ADAMTS12: variants seen among roughly 807,000 people sequenced by gnomAD.
The protein encoded by ADAMTS12 is A disintegrin and metalloproteinase with thrombospondin motifs 12.
In ADAMTS12, 118 loss-of-function variants were observed where a neutral mutation model predicts 167.8. That is an observed-to-expected ratio of 0.70 (90% CI 0.61 to 0.82). ADAMTS12 has a LOEUF of 0.82. ADAMTS12 is among the 40% of genes least tolerant of loss of function. The pLI, the probability that ADAMTS12 is intolerant of heterozygous loss-of-function variation, is 0.00. For missense variants in ADAMTS12, 1,916 were observed against 1,998.8 expected (o/e 0.96, Z 0.79); for synonymous variants, 704 against 716.9 (o/e 0.98, Z 0.29).
At chr5:33,733,769 G>A (rs1437906922) in intron 3 of ADAMTS12, among the ~76,000 whole-genome samples, 1 of 152,134 alleles carries the variant, frequency 6.6e-6, no homozygotes, top group Non-Finnish European at 1.5e-5. Flanking sequence ...TGGCCATGGA[G>A]ACTCATCAGC....
chr5:33,767,209 T>C (rs1745565923), intron 2 of ADAMTS12, among the ~76,000 whole-genome samples: 1 of 152,186 alleles, frequency 6.6e-6, no homozygotes, highest in Non-Finnish European at 1.5e-5. Context: ...TTTGTAGAAA[T>C]ATATAGGAAA....
intron 14 of ADAMTS12, among the ~76,000 whole-genome samples, chr5:33,621,399 C>CAAA (rs202182365): frequency 4.9e-5 from 4 of 82,088 alleles, no homozygotes; most frequent in Admixed American, 1.3e-4. Flanking sequence ...GACTCCATCT[C>CAAA]AAAAAAAAAA....
chr5:33,647,628 G>A (rs1392616338), intron 9 of ADAMTS12, among the ~76,000 whole-genome samples: 1 of 152,186 alleles, frequency 6.6e-6, no homozygotes, highest in African/African-American at 2.4e-5. Context: ...CTACTTGGGA[G>A]GCTGAGGTAC....
chr5:33,788,447 G>C (rs1739462697), intron 2 of ADAMTS12, among the ~76,000 whole-genome samples: 1 of 152,160 alleles, frequency 6.6e-6, no homozygotes, highest in African/African-American at 2.4e-5. Context: ...GATGGGAAGA[G>C]AGAGAAAAGA....
At chr5:33,674,493 G>T (rs1343047561) in intron 5 of ADAMTS12, among the ~76,000 whole-genome samples, 1 of 152,180 alleles carries the variant, frequency 6.6e-6, no homozygotes, top group Non-Finnish European at 1.5e-5. Flanking sequence ...GAAAAGGAAG[G>T]ATTTACTTTA....
At chr5:33,704,991 T>C (rs1475944747) in intron 3 of ADAMTS12, among the ~76,000 whole-genome samples, 2 of 152,114 alleles carry the variant, frequency 1.3e-5, no homozygotes. Context: ...TTTTTGTATA[T>C]AGTGTGAGGT....
chr5:33,538,722 C>T (rs76826758), intron 22 of ADAMTS12, among the ~76,000 whole-genome samples: 2,156 of 152,288 alleles, frequency 0.014, 46 homozygotes, highest in African/African-American at 0.05. Context: ...GCTCCTGACA[C>T]CAAGCGATGG....
chr5:33,886,397 C>T (rs1026967517), intron 1 of ADAMTS12, among the ~76,000 whole-genome samples: 3 of 152,320 alleles, frequency 2.0e-5, no homozygotes, highest in African/African-American at 7.2e-5. Flanking sequence ...GTTGTTATCC[C>T]CATTTCATAG....
At chr5:33,550,623 C>A (rs965565881) in intron 20 of ADAMTS12, among the ~76,000 whole-genome samples, 1 of 152,126 alleles carries the variant, frequency 6.6e-6, no homozygotes. Context: ...TTTTCAATGG[C>A]ACCTCTTCTG....
chr5:33,687,987 C>A (rs111446311), intron 3 of ADAMTS12, among the ~76,000 whole-genome samples: 1 of 152,116 alleles, frequency 6.6e-6, no homozygotes, highest in East Asian at 1.9e-4. Flanking sequence ...CACACCTCAA[C>A]CTGAGTACTT....
intron 5 of ADAMTS12, among the ~76,000 whole-genome samples, chr5:33,680,629 TTCAAAAG>T (rs564683578): frequency 2.6e-4 from 40 of 152,272 alleles, no homozygotes; most frequent in African/African-American, 9.1e-4. Context: ...AAGCATGCTT[TTCAAAAG>T]TCAAAAACAC....
At chr5:33,653,376 G>T (rs569892412) in intron 7 of ADAMTS12, among the ~76,000 whole-genome samples, 1 of 152,170 alleles carries the variant, frequency 6.6e-6, no homozygotes, top group Non-Finnish European at 1.5e-5. Flanking sequence ...CTTGGTCATT[G>T]TGTCTAATTC....
chr5:33,583,237 A>G (rs1747164044), intron 18 of ADAMTS12, among the ~76,000 whole-genome samples: 1 of 152,210 alleles, frequency 6.6e-6, no homozygotes, highest in South Asian at 2.1e-4. Context: ...AAGTTAGAAC[A>G]TGCAATGTTT....
intron 15 of ADAMTS12, 139 bp downstream of exon 15, chr5:33,615,689 A>G: frequency 8.4e-7 from 1 of 1,194,256 alleles, no homozygotes; most frequent in Non-Finnish European, 1.2e-6. Flanking sequence ...ACAAACTAAT[A>G]TCTCATTCCC....
chr5:33,668,871 C>T (rs1741571999), intron 5 of ADAMTS12, among the ~76,000 whole-genome samples: 2 of 152,182 alleles, frequency 1.3e-5, no homozygotes, highest in African/African-American at 4.8e-5. Context: ...TTGTAACTTT[C>T]CCACTGATGA....
chr5:33,593,819 A>C (rs762548762), intron 17 of ADAMTS12, among the ~76,000 whole-genome samples: 2 of 152,212 alleles, frequency 1.3e-5, no homozygotes, highest in African/African-American at 2.4e-5. Flanking sequence ...CACATTCTGC[A>C]CATGTATCCC....
chr5:33,624,116 T>A, intron 14 of ADAMTS12, 115 bp downstream of exon 14: 1 of 1,478,716 alleles, frequency 6.8e-7, no homozygotes, highest in Non-Finnish European at 9.1e-7. Flanking sequence ...TTTGAATACT[T>A]TGAAAATCAC....
chr5:33,663,670 G>A (rs1380808141), intron 5 of ADAMTS12, among the ~76,000 whole-genome samples: 3 of 152,152 alleles, frequency 2.0e-5, no homozygotes, highest in Non-Finnish European at 1.5e-5. Flanking sequence ...ATATAAAAAA[G>A]GTTCCTAGAT....
chr5:33,557,883 A>G (rs1236880047), intron 20 of ADAMTS12, among the ~76,000 whole-genome samples: 1 of 152,016 alleles, frequency 6.6e-6, no homozygotes, highest in Non-Finnish European at 1.5e-5. Context: ...GCAGCATTAG[A>G]TTCTCATAGG....
Sources: allele counts gnomAD v4.1 joint callset (sites outside exome capture counted in the v4.1 genomes callset), GRCh38; gene constraint gnomAD v4.1.1; transcripts MANE v1.5; gene names NCBI Gene and HGNC (gene_info 2026-07-23, HGNC 2026-07-21).